The following COL8A1 variants were observed in gnomAD, a reference collection of about 807,000 sequenced individuals.
COL8A1 encodes the protein collagen alpha-1(VIII) chain.
COL8A1 carries 21 observed loss-of-function variants against 42.7 expected under a neutral mutation model. The ratio of observed to expected loss-of-function variants is 0.49; its 90% CI spans 0.35 to 0.71. COL8A1 has a LOEUF of 0.71. Ranked by LOEUF, COL8A1 falls within the 30% of genes least tolerant of loss-of-function variation. COL8A1 has a pLI of 0.01. For synonymous variants in COL8A1, 367 were observed against 369.1 expected, an observed-to-expected ratio of 0.99 and a Z score of 0.06; for missense variants, 788 against 962.4, an observed-to-expected ratio of 0.82 and a Z score of 2.40.
chr3:99,684,747 G>T (rs901390793), intron 1 of COL8A1, among the ~76,000 whole-genome samples: 1 of 152,150 alleles, frequency 6.6e-6, no homozygotes, highest in Non-Finnish European at 1.5e-5. Flanking sequence ...CGGGAATTGT[G>T]CTTCCATTAC....
At chr3:99,723,554 T>C (rs1455742044) in intron 1 of COL8A1, among the ~76,000 whole-genome samples, 1 of 152,164 alleles carries the variant, frequency 6.6e-6, no homozygotes, top group Non-Finnish European at 1.5e-5. Flanking sequence ...TGTAATACAT[T>C]CTTGTTTTAT....
At chr3:99,677,034 A>G (rs1288819831) in intron 1 of COL8A1, among the ~76,000 whole-genome samples, 2 of 151,736 alleles carry the variant, frequency 1.3e-5, no homozygotes, top group African/African-American at 2.4e-5. Flanking sequence ...CCTAGGCAAC[A>G]TGGCAAAACC....
chr3:99,789,227 T>G (rs1489971559), intron 2 of COL8A1, among the ~76,000 whole-genome samples: 2 of 152,170 alleles, frequency 1.3e-5, no homozygotes, highest in African/African-American at 4.8e-5. Context: ...ACGCACATTT[T>G]CTAAGAAGTA....
chr3:99,737,115 C>T (rs1940746665), intron 1 of COL8A1, among the ~76,000 whole-genome samples: 1 of 152,090 alleles, frequency 6.6e-6, no homozygotes, highest in African/African-American at 2.4e-5. Context: ...TTATTTTGAG[C>T]CTATGTGTGT....
At chr3:99,788,544 C>T (rs1342853333) in intron 2 of COL8A1, among the ~76,000 whole-genome samples, 1 of 152,186 alleles carries the variant, frequency 6.6e-6, no homozygotes, top group African/African-American at 2.4e-5. Flanking sequence ...TTATACATTA[C>T]CAGATATTAC....
chr3:99,686,065 A>C (rs1939041235), intron 1 of COL8A1, among the ~76,000 whole-genome samples: 1 of 152,194 alleles, frequency 6.6e-6, no homozygotes, highest in Admixed American at 6.5e-5. Flanking sequence ...ATTGTAATCA[A>C]TTGTAACCAA....
chr3:99,640,606 C>T (rs1187597549), intron 1 of COL8A1, among the ~76,000 whole-genome samples: 1 of 152,116 alleles, frequency 6.6e-6, no homozygotes, highest in Non-Finnish European at 1.5e-5. Context: ...AGCTATGGAC[C>T]GTTAAACAGT....
chr3:99,772,961 A>T (rs1941607999), intron 2 of COL8A1, among the ~76,000 whole-genome samples: 1 of 152,170 alleles, frequency 6.6e-6, no homozygotes, highest in Admixed American at 6.5e-5. Context: ...AGACCAGCAG[A>T]TTCAAATCCT....
chr3:99,732,555 G>C lies in COL8A1; in HGVS notation c.-128-12342G>C, dbSNP rs148356667. 7.9e-5 allele frequency among the ~76,000 whole-genome samples: 12 copies of C among 152,162 alleles called. No homozygotes were observed. In the East Asian group the frequency reaches 1.9e-3, roughly 25 times the overall value. ...ACTCACTATCCTGAGAACAGCATAA[G>C]GGTAACCACCCTCATGATTAAATTA... On this transcript the variant is annotated intron_variant, in intron 1 of 3. Transcript: ENST00000652472.
intron 1 of COL8A1, among the ~76,000 whole-genome samples, chr3:99,672,724 T>G (rs1938584014): frequency 6.6e-6 from 1 of 152,058 alleles, no homozygotes; most frequent in Non-Finnish European, 1.5e-5. Context: ...ACTAACTTCC[T>G]TAAGCAGGGA....
chr3:99,796,128 C>A lies in COL8A1; in HGVS notation c.2227C>A (p.Pro743Thr). Residue 743 changes from proline (P) to threonine (T), a missense_variant, in exon 4 of 4, where the codon CCC becomes ACC. Pro to Thr is a conservative substitution (Grantham distance 38, BLOSUM62 -1). Transcript: ENST00000652472. ...CTCCTTTTCAGGATATTTATTGTAT[C>A]CCATGTAAAAACAAAAAAACAAAAA... ...HSSFSGYLLY[P>T]M The A allele has an allele frequency of 2.0e-6, 3 of 1,466,886 alleles. No homozygotes were observed. Among genetic ancestry groups the A allele is most frequent in the African/African-American group, 1.4e-5 (1 of 71,158 alleles). 90.9% of individuals were successfully genotyped at this position (1,466,886 alleles called of 1,614,324 possible). A position where few individuals can be genotyped will look rare whatever the true frequency, so the allele number is the denominator to read the frequency against.
intron 1 of COL8A1, among the ~76,000 whole-genome samples, chr3:99,734,922 G>T (rs1181722091): frequency 6.6e-6 from 1 of 151,426 alleles, no homozygotes; most frequent in Non-Finnish European, 1.5e-5. Context: ...ATTGTGAATG[G>T]GAGTTCACTC....
intron 1 of COL8A1, among the ~76,000 whole-genome samples, chr3:99,740,371 C>T (rs1485951824): frequency 6.6e-6 from 1 of 152,202 alleles, no homozygotes; most frequent in Non-Finnish European, 1.5e-5. Flanking sequence ...GCTAATAAGA[C>T]ATACCCAAGG....
At chr3:99,706,916 T>C (rs1013263300) in intron 1 of COL8A1, among the ~76,000 whole-genome samples, 8 of 152,170 alleles carry the variant, frequency 5.3e-5, no homozygotes, top group East Asian at 1.9e-4. Context: ...CCAATCTAGT[T>C]TGATGAACAG....
intron 1 of COL8A1, among the ~76,000 whole-genome samples, chr3:99,699,268 A>C (rs1342467564): frequency 6.6e-6 from 1 of 152,060 alleles, no homozygotes; most frequent in African/African-American, 2.4e-5. Flanking sequence ...ACTCTCCTCC[A>C]CTCACACCAT....
chr3:99,722,108 A>G (rs1940173400), intron 1 of COL8A1, among the ~76,000 whole-genome samples: 1 of 152,004 alleles, frequency 6.6e-6, no homozygotes, highest in African/African-American at 2.4e-5. Flanking sequence ...TAATTTTTTT[A>G]TTCCCTAGTA....
At chr3:99,645,623 G>C (rs941911372) in intron 1 of COL8A1, among the ~76,000 whole-genome samples, 1 of 151,450 alleles carries the variant, frequency 6.6e-6, no homozygotes, top group African/African-American at 2.4e-5. Context: ...ATCGAAGGCA[G>C]AGCAAAGTGT....
chr3:99,666,555 C>T (rs1213379561), intron 1 of COL8A1, among the ~76,000 whole-genome samples: 1 of 152,216 alleles, frequency 6.6e-6, no homozygotes, highest in Non-Finnish European at 1.5e-5. Flanking sequence ...TCCTCAAACA[C>T]ATTAGACACA....
At chr3:99,675,231 T>G (rs1255050822) in intron 1 of COL8A1, among the ~76,000 whole-genome samples, 1 of 152,072 alleles carries the variant, frequency 6.6e-6, no homozygotes, top group African/African-American at 2.4e-5. Context: ...CATAGTAAAC[T>G]GATATTTTGA....
Sources: gnomAD v4.1 joint callset for allele counts (sites outside exome capture counted in the v4.1 genomes callset) on GRCh38, gnomAD v4.1.1 for gene constraint, MANE v1.5 for transcripts, NCBI Gene and HGNC (gene_info 2026-07-23, HGNC 2026-07-21) for gene names.